Variants in SAMD12 observed in about 807,000 individuals in gnomAD.
SAMD12 encodes sterile alpha motif domain containing 12.
SAMD12 carries 9 observed loss-of-function variants against 15.0 expected under a neutral mutation model. That is an observed-to-expected ratio of 0.60 (90% confidence interval 0.36 to 1.05). The LOEUF is 1.05. Ranked by LOEUF, SAMD12 falls within the 50% of genes least tolerant of loss-of-function variation. SAMD12 has a pLI of 0.01. For synonymous variants in SAMD12, 86 were observed against 90.1 expected (o/e 0.96, Z 0.25); for missense variants, 230 against 234.2 (o/e 0.98, Z 0.12).
chr8:118,326,192 T>C (rs72675879), intron 4 of SAMD12, among the ~76,000 whole-genome samples: 14,065 of 152,196 alleles, frequency 0.092, 843 homozygotes, highest in Non-Finnish European at 0.12. Flanking sequence ...ATGGATTAAC[T>C]CTCTAATGCC....
chr8:118,333,915 T>G, intron 4 of SAMD12, among the ~76,000 whole-genome samples: 1 of 81,504 alleles, frequency 1.2e-5, no homozygotes, highest in Non-Finnish European at 2.2e-5. Flanking sequence ...GTGTGCACGT[T>G]GGCAGGGGGT....
rs1008592961 is a variant in SAMD12 at position 118,378,876 on chromosome 8, T to C, written c.*541A>G. On this transcript the variant is annotated 3_prime_UTR_variant, in exon 4 of 4. Coordinates refer to ENST00000314727, the MANE Select transcript of SAMD12 (RefSeq NM_207506.3). ...GTTATTGAGATCTTAAGTGCTCTCA[T>C]CATATTGAAGTTATTTATAATTCCT... The C allele has an allele frequency of 2.9e-5, 28 of 978,500 alleles. No individual in the cohort carries two copies. Among genetic ancestry groups the C allele is most frequent in the African/African-American group, 3.5e-5 (2 of 57,062 alleles). The allele number at this position is 978,500 out of a possible 1,614,324, so 60.6% of individuals were successfully genotyped here.
At chr8:118,284,863 AC>A (rs1440439961) in intron 4 of SAMD12, 1 of 147,840 alleles carries the variant, frequency 6.8e-6, no homozygotes, top group African/African-American at 2.6e-5. Flanking sequence ...AATGGTGTGT[AC>A]CCAGGAGGCG....
chr8:118,418,641 C>T (rs1346453274), intron 3 of SAMD12, among the ~76,000 whole-genome samples: 1 of 151,964 alleles, frequency 6.6e-6, no homozygotes, highest in African/African-American at 2.4e-5. Flanking sequence ...ATGGCATGAA[C>T]CCGGGAAGTG....
At chr8:118,446,736 T>C (rs1822927078) in intron 2 of SAMD12, among the ~76,000 whole-genome samples, 1 of 152,174 alleles carries the variant, frequency 6.6e-6, no homozygotes, top group Admixed American at 6.5e-5. Context: ...TTTGGGTAAA[T>C]GCAAGACAAA....
chr8:118,180,031 G>A, the SAMD12 span, among the ~76,000 whole-genome samples: 4,705 of 152,262 alleles, frequency 0.031, 99 homozygotes, highest in South Asian at 0.075. Context: ...CCCAGTTGCC[G>A]GCAGCCTAAA....
At chr8:118,312,563 G>A (rs934771622) in intron 4 of SAMD12, among the ~76,000 whole-genome samples, 3 of 152,062 alleles carry the variant, frequency 2.0e-5, no homozygotes, top group African/African-American at 7.2e-5. Context: ...TTGATATGGG[G>A]TAGTCTTTTC....
chr8:118,594,411 A>G (rs114543346), intron 1 of SAMD12, among the ~76,000 whole-genome samples: 7 of 152,172 alleles, frequency 4.6e-5, no homozygotes, highest in Non-Finnish European at 8.8e-5. Context: ...TGTTAGCAAA[A>G]GAAAAAAAAC....
chr8:118,421,257 ATAT>A (rs1821984567), intron 3 of SAMD12, among the ~76,000 whole-genome samples: 1 of 152,192 alleles, frequency 6.6e-6, no homozygotes, highest in Admixed American at 6.5e-5. Context: ...TGCTCAATAA[ATAT>A]TATGCTCCTA....
intron 3 of SAMD12, among the ~76,000 whole-genome samples, chr8:118,421,307 C>T (rs2130844698): frequency 6.6e-6 from 1 of 152,244 alleles, no homozygotes; most frequent in East Asian, 1.9e-4. Context: ...ATGCATTATT[C>T]TGATTTCATG....
intron 4 of SAMD12, among the ~76,000 whole-genome samples, chr8:118,347,815 A>G (rs560809165): frequency 6.6e-6 from 1 of 152,270 alleles, no homozygotes; most frequent in South Asian, 2.1e-4. Flanking sequence ...CATAGCTCTT[A>G]CTGTGTGTTA....
intron 2 of SAMD12, among the ~76,000 whole-genome samples, chr8:118,508,578 T>C (rs919856933): frequency 6.6e-6 from 1 of 152,220 alleles, no homozygotes; most frequent in East Asian, 1.9e-4. Context: ...CACCTTCGTG[T>C]CATTTTACAG....
chr8:118,288,527 A>C (rs188270821), intron 4 of SAMD12, among the ~76,000 whole-genome samples: 6 of 152,312 alleles, frequency 3.9e-5, no homozygotes, highest in South Asian at 2.1e-4. Flanking sequence ...TGTTTTGAAG[A>C]CCCTCATAAA....
intron 2 of SAMD12, among the ~76,000 whole-genome samples, chr8:118,495,433 A>AT (rs1323014531): frequency 6.6e-6 from 1 of 152,064 alleles, no homozygotes; most frequent in Non-Finnish European, 1.5e-5. Context: ...GCTGAGTGTG[A>AT]TTTTTACATA....
chr8:118,179,432 C>T, the SAMD12 span, among the ~76,000 whole-genome samples: 505 of 144,312 alleles, frequency 3.5e-3, 5 homozygotes, highest in East Asian at 0.025. Context: ...AGTGAAACTC[C>T]GTCTCCGAAA....
intron 4 of SAMD12, among the ~76,000 whole-genome samples, chr8:118,318,884 G>A (rs1356486690): frequency 6.6e-6 from 1 of 152,100 alleles, no homozygotes; most frequent in Non-Finnish European, 1.5e-5. Flanking sequence ...GCTGTGGCTA[G>A]CTAACTGCTC....
At chr8:118,502,637 A>T (rs1016622943) in intron 2 of SAMD12, among the ~76,000 whole-genome samples, 1 of 152,362 alleles carries the variant, frequency 6.6e-6, no homozygotes, top group South Asian at 2.1e-4. Context: ...TCAATGAATA[A>T]AAATGTAAAA....
chr8:118,575,969 AAAG>A (rs1472733881), intron 2 of SAMD12, among the ~76,000 whole-genome samples: 2 of 152,092 alleles, frequency 1.3e-5, no homozygotes, highest in Non-Finnish European at 2.9e-5. Flanking sequence ...ATCAATTTCA[AAAG>A]AAACTCCTGA....
chr8:118,247,174 A>T (rs1165421932), intron 4 of SAMD12, among the ~76,000 whole-genome samples: 1 of 152,170 alleles, frequency 6.6e-6, no homozygotes, highest in Non-Finnish European at 1.5e-5. Context: ...TAAATATTGC[A>T]TGATCTCACT....
Sources: allele counts gnomAD v4.1 joint callset (sites outside exome capture counted in the v4.1 genomes callset), GRCh38; gene constraint gnomAD v4.1.1; transcripts MANE v1.5; gene names NCBI Gene and HGNC (gene_info 2026-07-23, HGNC 2026-07-21).